EPAS1: variants seen among roughly 807,000 people sequenced by gnomAD.
EPAS1 encodes the protein endothelial PAS domain-containing protein 1.
Under a neutral mutation model 87.9 loss-of-function variants are expected in EPAS1, and 23 were observed. The ratio of observed to expected loss-of-function variants is 0.26; its 90% CI spans 0.19 to 0.37. EPAS1 has a LOEUF of 0.37. EPAS1 is among the 10% of genes least tolerant of loss of function. The pLI is 1.00. For missense variants in EPAS1, 1,138 were observed against 1,120.7 expected (o/e 1.02, Z -0.22); for synonymous variants, 508 against 444.3 (o/e 1.14, Z -1.80).
chr2:46,327,716 CT>C (rs1683591587), intron 1 of EPAS1, among the ~76,000 whole-genome samples: 2 of 152,228 alleles, frequency 1.3e-5, no homozygotes, highest in Admixed American at 6.5e-5. Flanking sequence ...AATATAGCCC[CT>C]GGCACAGAGT....
At chr2:46,307,348 C>T (rs966801718) in intron 1 of EPAS1, among the ~76,000 whole-genome samples, 2 of 152,158 alleles carry the variant, frequency 1.3e-5, no homozygotes, top group African/African-American at 4.8e-5. Flanking sequence ...TATTTGTGTG[C>T]TTGCACAACA....
chr2:46,367,751 A>G (rs1427666896), intron 6 of EPAS1, among the ~76,000 whole-genome samples: 1 of 152,232 alleles, frequency 6.6e-6, no homozygotes, highest in Non-Finnish European at 1.5e-5. Context: ...TAAGCCTCTC[A>G]GCCCTGTTGA....
intron 1 of EPAS1, among the ~76,000 whole-genome samples, chr2:46,333,276 C>G (rs1001583485): frequency 1.3e-5 from 2 of 152,156 alleles, no homozygotes; most frequent in African/African-American, 4.8e-5. Context: ...CTGTATGACA[C>G]TATTATTGTT....
intron 2 of EPAS1, among the ~76,000 whole-genome samples, chr2:46,353,692 G>A (rs890079929): frequency 6.6e-6 from 1 of 152,158 alleles, no homozygotes; most frequent in Non-Finnish European, 1.5e-5. Context: ...TTGCATCATC[G>A]CTTCAGCGGG....
chr2:46,356,561 G>A (rs1189494316), intron 3 of EPAS1, among the ~76,000 whole-genome samples, 163 bp from the exon 4 acceptor site: 4 of 152,120 alleles, frequency 2.6e-5, no homozygotes, highest in African/African-American at 7.2e-5. Context: ...AGTAGTCCCC[G>A]ATTACATCTT....
chr2:46,343,387 A>C (rs1572629856), intron 1 of EPAS1, among the ~76,000 whole-genome samples: 1 of 152,366 alleles, frequency 6.6e-6, no homozygotes, highest in East Asian at 1.9e-4. Context: ...GTGGGAAAGT[A>C]TCAACACAGC....
At chr2:46,342,754 T>G (rs1198357409) in intron 1 of EPAS1, among the ~76,000 whole-genome samples, 2 of 152,194 alleles carry the variant, frequency 1.3e-5, no homozygotes, top group Non-Finnish European at 2.9e-5. Flanking sequence ...AGCAATGACC[T>G]AAAAGTTAAG....
intron 1 of EPAS1, among the ~76,000 whole-genome samples, chr2:46,329,479 G>C (rs1482876488): frequency 6.6e-6 from 1 of 152,148 alleles, no homozygotes; most frequent in East Asian, 1.9e-4. Flanking sequence ...TTTCCCCTTG[G>C]AGACCTTGCC....
At chr2:46,321,069 A>G (rs1683446894) in intron 1 of EPAS1, among the ~76,000 whole-genome samples, 1 of 152,204 alleles carries the variant, frequency 6.6e-6, no homozygotes, top group African/African-American at 2.4e-5. Context: ...CCCGATAATC[A>G]CTATTCTACT....
chr2:46,324,841 TG>T (rs768923879), intron 1 of EPAS1, among the ~76,000 whole-genome samples: 8 of 152,236 alleles, frequency 5.3e-5, no homozygotes, highest in Non-Finnish European at 1.0e-4. Flanking sequence ...AAGTGGTTGG[TG>T]TTTCTGCTCT....
intron 1 of EPAS1, among the ~76,000 whole-genome samples, chr2:46,325,216 G>A (rs1352186010): frequency 6.6e-6 from 1 of 152,228 alleles, no homozygotes; most frequent in African/African-American, 2.4e-5. Flanking sequence ...TAGAGTCTTA[G>A]ATAATATGGG....
Position 46,346,730 on chromosome 2 carries a change from G to A in EPAS1, c.27-143G>A. 1 of 824,350 alleles carries A rather than the reference G, an allele frequency of 1.2e-6. No individual in the cohort carries two copies. Among genetic ancestry groups the A allele is most frequent in the East Asian group, 2.7e-5 (1 of 37,184 alleles). 51.1% of individuals were successfully genotyped at this position (824,350 alleles called of 1,614,324 possible). ...AACAATACAAAGCAGGTTGTGTGTG[G>A]CTCAGACAACTGGTGTGAGCCCAGA... On this transcript the variant is annotated intron_variant, in intron 1 of 15. Transcript: ENST00000263734. The surrounding 1 kb of genome is among the most constrained non-coding windows in gnomAD (Gnocchi z 4.0).
chr2:46,321,241 C>G (rs1404047980), intron 1 of EPAS1, among the ~76,000 whole-genome samples: 1 of 152,222 alleles, frequency 6.6e-6, no homozygotes, highest in Non-Finnish European at 1.5e-5. Flanking sequence ...CGAATAATAT[C>G]CTATTGTGTG....
Position 46,376,026 on chromosome 2 carries a change from A to G in EPAS1, c.1034+189A>G, listed in dbSNP as rs7583088. Among the ~76,000 whole-genome samples, 52,654 of 152,112 alleles carry G rather than the reference A, an allele frequency of 0.35. 11,043 individuals carry two copies. Among genetic ancestry groups the G allele is most frequent in the Non-Finnish European group, 0.49 (33,096 of 67,960 alleles). Reference sequence around the variant, plus strand: ...TGTGGATGTCTTGGAACAGTGGGATACTGGGTTGGGATTTTTTTTTCTGCG... The same window carrying G: ...TGTGGATGTCTTGGAACAGTGGGATGCTGGGTTGGGATTTTTTTTTCTGCG... On this transcript the variant is annotated intron_variant, in intron 8 of 15. Transcript: ENST00000263734.
Position 46,380,015 on chromosome 2 carries a change from A to G in EPAS1, c.1555-212A>G, listed in dbSNP as rs1416234741. ...TGTGCAGGGTGAAGAGGGGATAAACATGGGGGAAGGCTGGTACATGATACA... is the reference window on the plus strand; with the variant it reads ...TGTGCAGGGTGAAGAGGGGATAAACGTGGGGGAAGGCTGGTACATGATACA... On this transcript the variant is annotated intron_variant, in intron 11 of 15. Coordinates refer to ENST00000263734, the MANE Select transcript of EPAS1 (RefSeq NM_001430.5). The surrounding 1 kb of genome is among the most constrained non-coding windows in gnomAD (Gnocchi z 4.4). 1.2e-5 allele frequency: 9 copies of G among 727,618 alleles called. No homozygotes were observed. The highest frequency in any genetic ancestry group is 4.8e-6 in the Non-Finnish European group (2 of 417,534). 45.1% of individuals were successfully genotyped at this position (727,618 alleles called of 1,614,324 possible). A position where few individuals can be genotyped will look rare whatever the true frequency, so the allele number is the denominator to read the frequency against.
intron 1 of EPAS1, among the ~76,000 whole-genome samples, chr2:46,338,144 G>A (rs1683835355): frequency 6.6e-6 from 1 of 152,212 alleles, no homozygotes; most frequent in Non-Finnish European, 1.5e-5. Context: ...GGGATTTAGG[G>A]TCAAATGATC....
chr2:46,346,806 G>A lies in EPAS1; in HGVS notation c.27-67G>A. Reference sequence around the variant, plus strand: ...CACTGGGGGTTGGGGCCATGGGGATGTCCTGGCCAGAGGTATGATAGGCTG... The same window carrying A: ...CACTGGGGGTTGGGGCCATGGGGATATCCTGGCCAGAGGTATGATAGGCTG... On this transcript the variant is annotated intron_variant, in intron 1 of 15. Transcript: ENST00000263734. This position sits in a 1 kb window ranked among gnomAD's most constrained non-coding sequence, Gnocchi z 4.0. The A allele has an allele frequency of 6.4e-7, 1 of 1,560,980 alleles. No individual in the cohort carries two copies. Among genetic ancestry groups the A allele is most frequent in the Non-Finnish European group, 8.8e-7 (1 of 1,139,902 alleles).
intron 11 of EPAS1, among the ~76,000 whole-genome samples, chr2:46,379,157 AATC>A (rs1287880641): frequency 6.6e-6 from 1 of 152,250 alleles, no homozygotes; most frequent in Non-Finnish European, 1.5e-5. Flanking sequence ...TTAAAAAAAT[AATC>A]ATTTTTATAT....
At chr2:46,381,431 G>A (rs1007422403) in intron 12 of EPAS1, 165 bp from the exon 13 acceptor site, 18 of 1,061,260 alleles carry the variant, frequency 1.7e-5, no homozygotes, top group Non-Finnish European at 2.3e-5. Flanking sequence ...GACAGAGCTC[G>A]AGCTCGGCCT....
Sources: allele counts gnomAD v4.1 joint callset (sites outside exome capture counted in the v4.1 genomes callset), GRCh38; gene constraint gnomAD v4.1.1; non-coding constraint Gnocchi (gnomAD v3.1); transcripts MANE v1.5; gene names NCBI Gene and HGNC (gene_info 2026-07-23, HGNC 2026-07-21).